HHAT: variants seen among roughly 807,000 people sequenced by gnomAD.
The protein encoded by HHAT is hedgehog acyltransferase, also known as protein-cysteine N-palmitoyltransferase HHAT.
A neutral mutation model predicts 70.8 loss-of-function variants in HHAT; 47 were observed. The observed-to-expected ratio is 0.66, with a 90% confidence interval of 0.53 to 0.85. HHAT has a LOEUF of 0.85. Among genes scored for constraint, HHAT ranks in the 40% least tolerant of loss-of-function variants. HHAT has a pLI of 0.00. For synonymous variants in HHAT, 228 were observed against 247.6 expected, an observed-to-expected ratio of 0.92 and a Z score of 0.74; for missense variants, 609 against 604.8, an observed-to-expected ratio of 1.01 and a Z score of -0.07.
intron 7 of HHAT, among the ~76,000 whole-genome samples, chr1:210,423,100 G>A (rs1339107946): frequency 2.6e-5 from 4 of 152,118 alleles, no homozygotes; most frequent in Non-Finnish European, 4.4e-5. Context: ...TGGGATTGCT[G>A]GATCATATGG....
At chr1:210,330,488 C>T (rs1268908699) in intron 1 of HHAT, among the ~76,000 whole-genome samples, 1 of 152,126 alleles carries the variant, frequency 6.6e-6, no homozygotes, top group Admixed American at 6.5e-5. Context: ...TGGATCAACG[C>T]CTGTGCTTTA....
At chr1:210,571,329 G>A (rs781437844) in intron 9 of HHAT, among the ~76,000 whole-genome samples, 4 of 152,192 alleles carry the variant, frequency 2.6e-5, no homozygotes, top group Non-Finnish European at 5.9e-5. Flanking sequence ...GCATGCGGGC[G>A]CTTGGAGGGC....
At chr1:210,417,693 T>G (rs1476058998) in intron 6 of HHAT, among the ~76,000 whole-genome samples, 1 of 152,204 alleles carries the variant, frequency 6.6e-6, no homozygotes, top group Non-Finnish European at 1.5e-5. Flanking sequence ...AGCCCATCTT[T>G]TTCTCTTTCT....
chr1:210,505,745 CA>C (rs1171600333), intron 8 of HHAT, among the ~76,000 whole-genome samples: 5 of 152,158 alleles, frequency 3.3e-5, no homozygotes, highest in Non-Finnish European at 7.3e-5. Context: ...CTGAAGTTTG[CA>C]AATGGGAGAG....
intron 11 of HHAT, among the ~76,000 whole-genome samples, chr1:210,667,380 C>CAATAAATA (rs3067940): frequency 0.012 from 1,852 of 150,470 alleles, 19 homozygotes; most frequent in Non-Finnish European, 0.015. Context: ...GAAACTCCGT[C>CAATAAATA]AATAAATAAA....
intron 10 of HHAT, among the ~76,000 whole-genome samples, chr1:210,616,993 T>G (rs943352327): frequency 6.6e-6 from 1 of 152,210 alleles, no homozygotes; most frequent in Non-Finnish European, 1.5e-5. Flanking sequence ...ATGATCTACA[T>G]TTATCAAATG....
intron 7 of HHAT, among the ~76,000 whole-genome samples, chr1:210,434,965 C>A (rs560254289): frequency 6.6e-5 from 10 of 151,834 alleles, no homozygotes; most frequent in South Asian, 4.2e-4. Flanking sequence ...ACCTTATTTA[C>A]CTTTTTAAAT....
At chr1:210,482,989 A>G (rs1324465447) in intron 8 of HHAT, among the ~76,000 whole-genome samples, 4 of 152,208 alleles carry the variant, frequency 2.6e-5, no homozygotes, top group African/African-American at 4.8e-5. Flanking sequence ...CAAAGATACT[A>G]TGCTGTATAA....
chr1:210,357,426 G>A (rs2148004722), intron 2 of HHAT, among the ~76,000 whole-genome samples: 1 of 152,292 alleles, frequency 6.6e-6, no homozygotes, highest in Non-Finnish European at 1.5e-5. Flanking sequence ...GAAGAAATAG[G>A]TCTTGCTAAG....
chr1:210,386,283 G>A (rs1220894459), intron 3 of HHAT, among the ~76,000 whole-genome samples: 1 of 116,512 alleles, frequency 8.6e-6, no homozygotes, highest in African/African-American at 3.5e-5. Flanking sequence ...CTGTCGCCCA[G>A]GCTGGAGTGC....
At chr1:210,598,931 C>T (rs1196013516) in intron 10 of HHAT, among the ~76,000 whole-genome samples, 1 of 152,178 alleles carries the variant, frequency 6.6e-6, no homozygotes, top group Non-Finnish European at 1.5e-5. Context: ...TTCATATCTC[C>T]ATCTTCAACC....
At chr1:210,594,928 T>C (rs1406046224) in intron 10 of HHAT, among the ~76,000 whole-genome samples, 1 of 151,848 alleles carries the variant, frequency 6.6e-6, no homozygotes, top group South Asian at 2.1e-4. Flanking sequence ...CTGCAATGTA[T>C]GTTATTTGTT....
At chr1:210,443,374 C>T (rs1479229761) in intron 7 of HHAT, among the ~76,000 whole-genome samples, 2 of 150,482 alleles carry the variant, frequency 1.3e-5, no homozygotes, top group Non-Finnish European at 3.0e-5. Flanking sequence ...TTTTCCAATT[C>T]TGTGAGGAAA....
intron 7 of HHAT, among the ~76,000 whole-genome samples, chr1:210,460,016 G>C (rs1368638999): frequency 6.6e-6 from 1 of 152,224 alleles, no homozygotes; most frequent in Non-Finnish European, 1.5e-5. Flanking sequence ...TGGGAGCTCA[G>C]CTGATGCTGT....
At chr1:210,352,918 T>C (rs2087185927) in intron 2 of HHAT, among the ~76,000 whole-genome samples, 1 of 151,886 alleles carries the variant, frequency 6.6e-6, no homozygotes, top group African/African-American at 2.4e-5. Flanking sequence ...CATAAAACTT[T>C]TTGTCTCTGT....
At chr1:210,638,978 G>A (rs1182155905) in intron 11 of HHAT, among the ~76,000 whole-genome samples, 1 of 152,156 alleles carries the variant, frequency 6.6e-6, no homozygotes, top group Non-Finnish European at 1.5e-5. Flanking sequence ...AATATACTAT[G>A]AGCCACTGAA....
intron 10 of HHAT, among the ~76,000 whole-genome samples, chr1:210,608,731 T>C (rs904465493): frequency 2.6e-5 from 4 of 152,188 alleles, no homozygotes; most frequent in Non-Finnish European, 1.5e-5. Context: ...CAGAAATTTA[T>C]TTCCTAGAGT....
chr1:210,377,609 C>T (rs2090327394), intron 3 of HHAT, among the ~76,000 whole-genome samples: 1 of 152,186 alleles, frequency 6.6e-6, no homozygotes, highest in Non-Finnish European at 1.5e-5. Context: ...AGAGTTGTGA[C>T]CAGAGGATGT....
chr1:210,549,166 T>G (rs1041483518), intron 9 of HHAT, among the ~76,000 whole-genome samples: 1 of 131,836 alleles, frequency 7.6e-6, no homozygotes, highest in African/African-American at 3.0e-5. Flanking sequence ...GAGGATCAAA[T>G]GGCATAACAC....
Sources: allele counts gnomAD v4.1 joint callset (sites outside exome capture counted in the v4.1 genomes callset), GRCh38; gene constraint gnomAD v4.1.1; transcripts MANE v1.5; gene names NCBI Gene and HGNC (gene_info 2026-07-23, HGNC 2026-07-21).